The following IL31RA variants were observed in gnomAD, a reference collection of about 807,000 sequenced individuals.
IL31RA encodes the protein interleukin 31 receptor A, also known as interleukin-31 receptor subunit alpha.
Under a neutral mutation model 83.7 loss-of-function variants are expected in IL31RA, and 66 were observed. That is an observed-to-expected ratio of 0.79 (90% CI 0.65 to 0.97). The LOEUF is 0.97. Among genes scored for constraint, IL31RA ranks in the 50% least tolerant of loss-of-function variants. IL31RA has a pLI of 0.00. For synonymous variants in IL31RA, 325 were observed against 329.0 expected, an observed-to-expected ratio of 0.99 and a Z score of 0.13; for missense variants, 798 against 919.4, an observed-to-expected ratio of 0.87 and a Z score of 1.71.
chr5:55,914,562 A>G (rs958895068), intron 13 of IL31RA, among the ~76,000 whole-genome samples: 1 of 152,214 alleles, frequency 6.6e-6, no homozygotes, highest in African/African-American at 2.4e-5. Context: ...TGCAATTTAC[A>G]GCATTGGGAC....
chr5:55,909,490 GT>G (rs767442947), intron 11 of IL31RA, among the ~76,000 whole-genome samples: 2 of 152,136 alleles, frequency 1.3e-5, no homozygotes, highest in Non-Finnish European at 2.9e-5. Flanking sequence ...CCACCAAACA[GT>G]TTTCCACAGT....
At chr5:55,857,714 G>A (rs1430700010) in intron 1 of IL31RA, among the ~76,000 whole-genome samples, 2 of 152,280 alleles carry the variant, frequency 1.3e-5, no homozygotes, top group East Asian at 3.9e-4. Context: ...CTCAGTAACA[G>A]CAGTTCACTC....
chr5:55,901,545 G>C (rs1748801140), intron 8 of IL31RA, among the ~76,000 whole-genome samples: 1 of 151,704 alleles, frequency 6.6e-6, no homozygotes, highest in Non-Finnish European at 1.5e-5. Context: ...ATGAGATCAT[G>C]TATGTAAAAT....
intron 1 of IL31RA, among the ~76,000 whole-genome samples, chr5:55,858,439 T>C (rs1745480332): frequency 6.6e-6 from 1 of 152,236 alleles, no homozygotes; most frequent in South Asian, 2.1e-4. Context: ...ATTGAAAAAT[T>C]GAAATGTTTC....
At position 55,917,451 on chromosome 5, in the gene IL31RA, ATC is replaced by A. The variant is rs1364207804; in HGVS notation, c.*333_*334del. 6 of 600,252 alleles carry A rather than the reference ATC, an allele frequency of 1.0e-5. No homozygotes were observed. Among genetic ancestry groups the A allele is most frequent in the Non-Finnish European group, 1.4e-5 (6 of 417,782 alleles). The allele number at this position is 600,252 out of a possible 1,614,324, so 37.2% of individuals were successfully genotyped here. On this transcript the variant is annotated 3_prime_UTR_variant, in exon 15 of 15. Transcript: ENST00000652347. ...CCCAAAGGACCCCCAGGGTGGACAT[ATC>A]TGGCCTCCCAGGAATTGGGTCATGG...
rs1749835667 is a variant in IL31RA at position 55,917,085 on chromosome 5, G to C, written c.2260G>C (p.Glu754Gln). ...GACAGCCAGGGAATTTCTTGTGTCTGAAAAACTTCCAGAGCACACCAAGGG... is the reference window on the plus strand; with the variant it reads ...GACAGCCAGGGAATTTCTTGTGTCTCAAAAACTTCCAGAGCACACCAAGGG... ...SVTAREFLVS[E>Q]KLPEHTKGEV Residue 754 changes from glutamate (E) to glutamine (Q), a missense_variant, in exon 15 of 15, where the codon GAA becomes CAA. Coordinates refer to ENST00000652347, the MANE Select transcript of IL31RA (RefSeq NM_139017.7). The C allele has an allele frequency of 1.9e-6, 3 of 1,614,206 alleles. No individual in the cohort carries two copies. The highest frequency in any genetic ancestry group is 2.5e-6 in the Non-Finnish European group (3 of 1,180,048).
chr5:55,892,988 T>C (rs373476500), intron 6 of IL31RA, among the ~76,000 whole-genome samples: 2 of 152,204 alleles, frequency 1.3e-5, no homozygotes, highest in East Asian at 1.9e-4. Flanking sequence ...TTATAAAGCG[T>C]GTGTTTTCCT....
At chr5:55,885,233 T>C (rs1003929541) in intron 5 of IL31RA, among the ~76,000 whole-genome samples, 2 of 152,180 alleles carry the variant, frequency 1.3e-5, no homozygotes, top group Non-Finnish European at 2.9e-5. Flanking sequence ...TGCAGCATGC[T>C]CTCCTTGTCT....
chr5:55,913,404 A>G, intron 12 of IL31RA, 73 bp from the exon 13 acceptor site: 1 of 954,600 alleles, frequency 1.0e-6, no homozygotes, highest in Non-Finnish European at 1.7e-6. Context: ...CTACTAGAAG[A>G]AAAAGTTAAT....
At chr5:55,865,179 T>C (rs1424812542) in intron 2 of IL31RA, among the ~76,000 whole-genome samples, 7 of 152,250 alleles carry the variant, frequency 4.6e-5, no homozygotes, top group Admixed American at 6.5e-5. Flanking sequence ...TCAATCTCTA[T>C]GTAACATGCA....
intron 8 of IL31RA, among the ~76,000 whole-genome samples, chr5:55,900,348 G>C (rs1408065335): frequency 6.6e-6 from 1 of 152,150 alleles, no homozygotes; most frequent in Non-Finnish European, 1.5e-5. Flanking sequence ...AAAAATCAGA[G>C]ACTTTATAAA....
rs1580695823 is a variant in IL31RA, at chr5:55,883,193, T to C, written c.604T>C (p.Trp202Arg). The C allele has an allele frequency of 6.2e-7, 1 of 1,612,316 alleles. No individual in the cohort carries two copies. The highest frequency in any genetic ancestry group is 2.2e-5 in the East Asian group (1 of 44,866). The change falls in exon 5 of 15, where the codon TGG (tryptophan) becomes CGG (arginine). Residue 202 changes from tryptophan to arginine, a missense_variant and splice_region_variant. Coordinates refer to ENST00000652347, the MANE Select transcript of IL31RA (RefSeq NM_139017.7). ...ATTCAGGACAGTCAACAGTACCAGCTGGGTAAGTTATGCCATTATAATAAT... is the reference window on the plus strand; with the variant it reads ...ATTCAGGACAGTCAACAGTACCAGCCGGGTAAGTTATGCCATTATAATAAT... ...LRFRTVNSTS[W>R]MEVNFAKNRK...
At chr5:55,872,484 T>C in intron 4 of IL31RA, 33 bp downstream of exon 4, 2 of 1,412,574 alleles carry the variant, frequency 1.4e-6, no homozygotes, top group Non-Finnish European at 2.0e-6. Context: ...ATATACTCTT[T>C]ATTAAATGTT....
intron 4 of IL31RA, among the ~76,000 whole-genome samples, chr5:55,882,575 A>T (rs560983818): frequency 3.3e-5 from 5 of 152,352 alleles, no homozygotes; most frequent in Admixed American, 3.3e-4. Context: ...CTACATTTAT[A>T]ACTAGAAAAA....
At chr5:55,897,716 G>A (rs1272014147) in intron 7 of IL31RA, among the ~76,000 whole-genome samples, 1 of 152,132 alleles carries the variant, frequency 6.6e-6, no homozygotes, top group Non-Finnish European at 1.5e-5. Flanking sequence ...GAGAGAAGGA[G>A]TAGAAAATGG....
intron 13 of IL31RA, among the ~76,000 whole-genome samples, chr5:55,914,059 C>T (rs998609155): frequency 3.2e-4 from 48 of 152,136 alleles, no homozygotes; most frequent in African/African-American, 1.2e-3. Flanking sequence ...GCTGCAGGGG[C>T]CTTTAACCTG....
the IL31RA span, among the ~76,000 whole-genome samples, chr5:55,846,026 C>G: frequency 6.6e-6 from 1 of 152,192 alleles, no homozygotes; most frequent in Non-Finnish European, 1.5e-5. Flanking sequence ...CTTGTCCACA[C>G]TGAGCCTTGA....
rs546861102 is a variant in IL31RA, at chr5:55,891,104, ATTC to A, written c.772+972_772+974del. On this transcript the variant is annotated intron_variant, in intron 6 of 14. Coordinates refer to ENST00000652347, the MANE Select transcript of IL31RA (RefSeq NM_139017.7). ...ATATTCACTAACTGCTAGACTTCCT[ATTC>A]TTATTATTTATCCTCCTACTATTAT... Among the ~76,000 whole-genome samples, 16 of 152,290 alleles carry A rather than the reference ATTC, an allele frequency of 1.1e-4. No individual in the cohort carries two copies. In the South Asian group the frequency reaches 2.5e-3, roughly 24 times the overall value.
At chr5:55,872,922 A>C (rs1031891451) in intron 4 of IL31RA, among the ~76,000 whole-genome samples, 1 of 152,214 alleles carries the variant, frequency 6.6e-6, no homozygotes, top group South Asian at 2.1e-4. Context: ...TATAATTCAC[A>C]TTATATAAAT....
Sources: gnomAD v4.1 joint callset for allele counts (sites outside exome capture counted in the v4.1 genomes callset) on GRCh38, gnomAD v4.1.1 for gene constraint, MANE v1.5 for transcripts, NCBI Gene and HGNC (gene_info 2026-07-23, HGNC 2026-07-21) for gene names.